The following PANX1 variants were observed in gnomAD, a reference collection of about 807,000 sequenced individuals.
PANX1 encodes pannexin 1.
A neutral mutation model predicts 38.7 loss-of-function variants in PANX1; 30 were observed. That is an observed-to-expected ratio of 0.78 (90% CI 0.58 to 1.05). PANX1 has a LOEUF of 1.05. Ranked by LOEUF, PANX1 falls within the 50% of genes least tolerant of loss-of-function variation. The pLI is 0.00. For missense variants in PANX1, 551 were observed against 517.2 expected (o/e 1.07, Z -0.63); for synonymous variants, 230 against 212.2 (o/e 1.08, Z -0.73).
At chr11:94,162,215 G>A (rs559600157) in intron 2 of PANX1, among the ~76,000 whole-genome samples, 12 of 152,306 alleles carry the variant, frequency 7.9e-5, no homozygotes, top group South Asian at 2.1e-4. Context: ...CTCCAGCTGC[G>A]TACTGGGAGA....
rs536956114 is a variant in PANX1, at chr11:94,175,998, A to G, written c.322-2371A>G. The G allele has an allele frequency of 3.6e-5, 20 of 552,206 alleles. No homozygotes were observed. The African/African-American group carries it at 4.2e-4, about 12-fold the overall frequency. 34.2% of individuals were successfully genotyped at this position (552,206 alleles called of 1,614,324 possible). ...GATAGTGACAGGAGGCCTGCAAACT[A>G]GGATAGGAAAATATATGACAGCTTT... On this transcript the variant is annotated intron_variant, in intron 2 of 4. Coordinates refer to ENST00000227638, the MANE Select transcript of PANX1 (RefSeq NM_015368.4).
intron 3 of PANX1, among the ~76,000 whole-genome samples, 168 bp from the exon 4 acceptor site, chr11:94,179,434 T>A (rs567835500): frequency 6.6e-6 from 1 of 152,320 alleles, no homozygotes; most frequent in East Asian, 1.9e-4. Flanking sequence ...TATTATTCCT[T>A]TTCTTCCTCC....
chr11:94,139,544 G>A (rs549019043), intron 1 of PANX1, among the ~76,000 whole-genome samples: 2 of 152,284 alleles, frequency 1.3e-5, no homozygotes, highest in South Asian at 2.1e-4. Context: ...GTCACTGATG[G>A]CAGTGGTCTC....
intron 3 of PANX1, among the ~76,000 whole-genome samples, chr11:94,179,340 G>A (rs1947275235): frequency 6.6e-6 from 1 of 152,138 alleles, no homozygotes; most frequent in Non-Finnish European, 1.5e-5. Flanking sequence ...TTTACCAGAT[G>A]CCAGGCATCA....
Position 94,129,146 on chromosome 11 carries a change from T to G in PANX1, c.-167T>G. On this transcript the variant is annotated 5_prime_UTR_variant, in exon 1 of 5. Coordinates refer to ENST00000227638, the MANE Select transcript of PANX1 (RefSeq NM_015368.4). ...CAGCGAGCGCGAGAGCCCAGCGGAG[T>G]CGCTGGGAGCCTGAGGCACCGAGAC... 16 of 464,696 alleles carry G rather than the reference T, an allele frequency of 3.4e-5. No individual in the cohort carries two copies. Among genetic ancestry groups the G allele is most frequent in the South Asian group, 1.5e-4 (3 of 20,376 alleles). 28.8% of individuals were successfully genotyped at this position (464,696 alleles called of 1,614,324 possible).
chr11:94,165,801 T>C (rs1947096352), intron 2 of PANX1, among the ~76,000 whole-genome samples: 1 of 152,116 alleles, frequency 6.6e-6, no homozygotes, highest in Non-Finnish European at 1.5e-5. Context: ...TCCCAGCTAC[T>C]CGGGAGGCTG....
chr11:94,137,074 G>C (rs537939835), intron 1 of PANX1, among the ~76,000 whole-genome samples: 1 of 152,224 alleles, frequency 6.6e-6, no homozygotes, highest in East Asian at 1.9e-4. Context: ...GGGAGGCCAA[G>C]GCGAGCGGAT....
chr11:94,164,378 A>T (rs1237377421), intron 2 of PANX1, among the ~76,000 whole-genome samples: 1 of 152,144 alleles, frequency 6.6e-6, no homozygotes, highest in East Asian at 1.9e-4. Flanking sequence ...TGCTATATCC[A>T]GTAGGTTTTG....
intron 2 of PANX1, among the ~76,000 whole-genome samples, chr11:94,162,407 C>T (rs180936984): frequency 5.7e-4 from 87 of 152,318 alleles, no homozygotes; most frequent in Middle Eastern, 3.4e-3. Flanking sequence ...CCTACTCAAG[C>T]CTCAGCAATG....
intron 2 of PANX1, among the ~76,000 whole-genome samples, chr11:94,159,843 C>T (rs527856860): frequency 8.6e-5 from 13 of 151,724 alleles, no homozygotes; most frequent in African/African-American, 2.9e-4. Flanking sequence ...TAGATCTTTC[C>T]TGCTTTCTCT....
At chr11:94,157,803 T>C (rs976498354) in intron 2 of PANX1, among the ~76,000 whole-genome samples, 1 of 152,172 alleles carries the variant, frequency 6.6e-6, no homozygotes, top group African/African-American at 2.4e-5. Flanking sequence ...GTTTTAGACA[T>C]GAAGTCCTTG....
intron 1 of PANX1, among the ~76,000 whole-genome samples, chr11:94,129,778 C>G (rs1056123223): frequency 2.1e-4 from 32 of 152,210 alleles, no homozygotes; most frequent in African/African-American, 7.5e-4. Context: ...AGAACTGGCA[C>G]CTTGCCACCA....
chr11:94,158,981 G>T (rs550822610), intron 2 of PANX1, among the ~76,000 whole-genome samples: 51 of 152,278 alleles, frequency 3.3e-4, no homozygotes, highest in African/African-American at 9.4e-4. Context: ...TTTGTCAAAG[G>T]CCTTTTCTGC....
At chr11:94,133,554 G>A (rs941009950) in intron 1 of PANX1, among the ~76,000 whole-genome samples, 4 of 152,258 alleles carry the variant, frequency 2.6e-5, no homozygotes, top group South Asian at 2.1e-4. Context: ...CTTTTGGACA[G>A]TGAGATACTA....
At chr11:94,163,858 C>A (rs1448329301) in intron 2 of PANX1, among the ~76,000 whole-genome samples, 1 of 152,078 alleles carries the variant, frequency 6.6e-6, no homozygotes, top group East Asian at 1.9e-4. Flanking sequence ...GCCATCAGGT[C>A]CTGGGCTTTT....
At chr11:94,180,708 A>C (rs1479594147) in intron 4 of PANX1, 82 bp from the exon 5 acceptor site, 16 of 796,074 alleles carry the variant, frequency 2.0e-5, no homozygotes, top group Non-Finnish European at 2.8e-5. Flanking sequence ...TGTGAGAGGA[A>C]TTTTTGGCAG....
intron 2 of PANX1, among the ~76,000 whole-genome samples, chr11:94,176,790 A>T (rs1244290276): frequency 6.6e-6 from 1 of 151,694 alleles, no homozygotes; most frequent in South Asian, 2.1e-4. Flanking sequence ...TTGGAAAAAG[A>T]TGTCTCTGGG....
chr11:94,157,058 C>T (rs1203510528), intron 2 of PANX1, among the ~76,000 whole-genome samples: 1 of 152,126 alleles, frequency 6.6e-6, no homozygotes, highest in African/African-American at 2.4e-5. Flanking sequence ...GACATGAACT[C>T]ATCCTTTTTT....
intron 2 of PANX1, among the ~76,000 whole-genome samples, chr11:94,170,878 A>G (rs981231963): frequency 6.6e-6 from 1 of 151,716 alleles, no homozygotes; most frequent in African/African-American, 2.4e-5. Flanking sequence ...TTCTGGCACA[A>G]TTGCTGTCCA....
Sources: gnomAD v4.1 joint callset for allele counts (sites outside exome capture counted in the v4.1 genomes callset) on GRCh38, gnomAD v4.1.1 for gene constraint, MANE v1.5 for transcripts, NCBI Gene and HGNC (gene_info 2026-07-23, HGNC 2026-07-21) for gene names.